EPS15: variants seen among roughly 807,000 people sequenced by gnomAD.
EPS15 encodes epidermal growth factor receptor substrate 15.
A neutral mutation model predicts 113.8 loss-of-function variants in EPS15; 72 were observed. That is an observed-to-expected ratio of 0.63 (90% CI 0.52 to 0.77). EPS15 has a LOEUF of 0.77. EPS15 is among the 30% of genes least tolerant of loss of function. The pLI is 0.00. For synonymous variants in EPS15, 344 were observed against 363.4 expected (o/e 0.95, Z 0.61); for missense variants, 1,048 against 1,045.8 (o/e 1.00, Z -0.03).
intron 1 of EPS15, among the ~76,000 whole-genome samples, chr1:51,512,013 A>T (rs1210503030): frequency 6.6e-6 from 1 of 152,138 alleles, no homozygotes; most frequent in African/African-American, 2.4e-5. Flanking sequence ...TTTTAATTGC[A>T]CCTCTGATTC....
intron 13 of EPS15, among the ~76,000 whole-genome samples, chr1:51,412,004 A>G (rs1312246444): frequency 6.6e-6 from 1 of 152,216 alleles, no homozygotes; most frequent in East Asian, 1.9e-4. Flanking sequence ...TGGCACATAC[A>G]TCCCATGGAA....
In EPS15 at chr1:51,363,775, T is replaced by G. The variant is rs893173675; in HGVS notation, c.2359+91A>C. 5.6e-6 allele frequency: 7 copies of G among 1,239,032 alleles called. No homozygotes were observed. In the South Asian group the frequency reaches 9.0e-5, roughly 16 times the overall value. 76.8% of individuals were successfully genotyped at this position (1,239,032 alleles called of 1,614,324 possible). On this transcript the variant is annotated intron_variant, in intron 23 of 24. Coordinates refer to ENST00000371733, the MANE Select transcript of EPS15 (RefSeq NM_001981.3). Reference sequence around the variant, plus strand: ...TGACATATGTTTGACTTGTTTCACTTAAAGCCATTTATATAAGTAAGTTCC... The same window carrying G: ...TGACATATGTTTGACTTGTTTCACTGAAAGCCATTTATATAAGTAAGTTCC...
At chr1:51,501,171 C>T (rs924703516) in intron 1 of EPS15, among the ~76,000 whole-genome samples, 1 of 151,666 alleles carries the variant, frequency 6.6e-6, no homozygotes, top group Admixed American at 6.6e-5. Flanking sequence ...ACTTTGAGAG[C>T]CCGAGGCGGG....
chr1:51,478,104 T>G (rs1643947357), intron 2 of EPS15, among the ~76,000 whole-genome samples: 1 of 152,170 alleles, frequency 6.6e-6, no homozygotes, highest in African/African-American at 2.4e-5. Flanking sequence ...TCTTTGTAGG[T>G]CTCTAAGGAC....
chr1:51,356,456 A>T lies in EPS15; in HGVS notation c.*244T>A. Reference sequence around the variant, plus strand: ...GCAGGCAAAAGCTCACAGTAAATGTATACCAGAACAGGGGCCTAAGTGAAG... The same window carrying T: ...GCAGGCAAAAGCTCACAGTAAATGTTTACCAGAACAGGGGCCTAAGTGAAG... On this transcript the variant is annotated 3_prime_UTR_variant, in exon 25 of 25. Transcript: ENST00000371733. 1 of 414,576 alleles carries T rather than the reference A, an allele frequency of 2.4e-6. No individual in the cohort carries two copies. The highest frequency in any genetic ancestry group is 4.3e-6 in the Non-Finnish European group (1 of 232,880). The allele number at this position is 414,576 out of a possible 1,614,324, so 25.7% of individuals were successfully genotyped here.
At chr1:51,370,979 G>A (rs570162883) in intron 21 of EPS15, among the ~76,000 whole-genome samples, 2 of 151,852 alleles carry the variant, frequency 1.3e-5, no homozygotes, top group Admixed American at 6.6e-5. Context: ...GCGGTCGTGC[G>A]ATCTCATCTC....
chr1:51,466,110 A>G (rs1414211227), intron 5 of EPS15, among the ~76,000 whole-genome samples: 3 of 149,592 alleles, frequency 2.0e-5, no homozygotes, highest in Non-Finnish European at 4.4e-5. Flanking sequence ...ACCAAATATG[A>G]TAATTAAAAC....
At chr1:51,403,572 T>G (rs754327447) in intron 16 of EPS15, 40 bp from the exon 17 acceptor site, 2 of 1,156,668 alleles carry the variant, frequency 1.7e-6, no homozygotes, top group East Asian at 5.1e-5. Context: ...AATATACTTT[T>G]TGACATGGCA....
intron 12 of EPS15, among the ~76,000 whole-genome samples, chr1:51,435,287 A>G (rs1402984733): frequency 6.6e-6 from 1 of 151,536 alleles, no homozygotes; most frequent in Non-Finnish European, 1.5e-5. Flanking sequence ...TCTGCCACCC[A>G]GGTTCAAGCG....
chr1:51,393,707 T>TG (rs1223245852), intron 21 of EPS15, among the ~76,000 whole-genome samples: 1 of 152,222 alleles, frequency 6.6e-6, no homozygotes. Context: ...ATAGCTGGTC[T>TG]GTTTATCTGT....
At chr1:51,385,855 T>C (rs540494066) in intron 21 of EPS15, among the ~76,000 whole-genome samples, 4 of 152,172 alleles carry the variant, frequency 2.6e-5, no homozygotes, top group South Asian at 4.1e-4. Context: ...AGAGTAGTAA[T>C]GATGGTTGTT....
chr1:51,438,620 A>G (rs984734521), intron 12 of EPS15, among the ~76,000 whole-genome samples: 1 of 152,202 alleles, frequency 6.6e-6, no homozygotes, highest in Non-Finnish European at 1.5e-5. Flanking sequence ...TCTACCTACT[A>G]TAACATGTAT....
At chr1:51,387,034 G>A (rs574769020) in intron 21 of EPS15, among the ~76,000 whole-genome samples, 42 of 152,246 alleles carry the variant, frequency 2.8e-4, no homozygotes, top group Non-Finnish European at 5.3e-4. Flanking sequence ...CACCAAAGTT[G>A]AAATGAAGGA....
intron 21 of EPS15, among the ~76,000 whole-genome samples, chr1:51,375,882 T>C (rs1217934341): frequency 2.0e-5 from 3 of 152,240 alleles, no homozygotes; most frequent in Non-Finnish European, 2.9e-5. Flanking sequence ...AACTTAACCA[T>C]AGGAACTGAA....
intron 15 of EPS15, 75 bp from the exon 16 acceptor site, chr1:51,406,183 A>G: frequency 1.6e-6 from 2 of 1,258,676 alleles, no homozygotes; most frequent in Non-Finnish European, 2.2e-6. Flanking sequence ...GCCCTCCTCC[A>G]CTTCCTGACG....
intron 1 of EPS15, among the ~76,000 whole-genome samples, chr1:51,482,837 G>GA (rs1177122248): frequency 1.3e-5 from 2 of 151,812 alleles, no homozygotes; most frequent in South Asian, 2.1e-4. Context: ...GGTATGGCTT[G>GA]AAAAAAAGTT....
At chr1:51,479,863 C>T (rs1164975276) in intron 2 of EPS15, among the ~76,000 whole-genome samples, 1 of 152,194 alleles carries the variant, frequency 6.6e-6, no homozygotes, top group Non-Finnish European at 1.5e-5. Context: ...ACCTGGTTTA[C>T]AAGATCCTAG....
chr1:51,413,197 A>T (rs76323085), intron 13 of EPS15, among the ~76,000 whole-genome samples: 4,864 of 152,300 alleles, frequency 0.032, 125 homozygotes, highest in Non-Finnish European at 0.05. Context: ...ATGTACCTGG[A>T]AACCCACTAT....
At chr1:51,390,983 T>C (rs1417053132) in intron 21 of EPS15, among the ~76,000 whole-genome samples, 1 of 152,192 alleles carries the variant, frequency 6.6e-6, no homozygotes, top group Non-Finnish European at 1.5e-5. Flanking sequence ...CAAAGGACTA[T>C]AAATCATGCT....
Sources: allele counts gnomAD v4.1 joint callset (sites outside exome capture counted in the v4.1 genomes callset), GRCh38; gene constraint gnomAD v4.1.1; transcripts MANE v1.5; gene names NCBI Gene and HGNC (gene_info 2026-07-23, HGNC 2026-07-21).